Variants in HYCC2 observed in about 807,000 individuals in gnomAD.
The protein encoded by HYCC2 is hyccin 2.
At chr2:200,982,187 T>C in the HYCC2 span, among the ~76,000 whole-genome samples, 1 of 150,422 alleles carries the variant, frequency 6.6e-6, no homozygotes, top group African/African-American at 2.5e-5. Flanking sequence ...ATTTTTATAA[T>C]ACACTATCAT....
chr2:201,062,652 CAA>C, the HYCC2 span, among the ~76,000 whole-genome samples: 5 of 81,810 alleles, frequency 6.1e-5, no homozygotes, highest in East Asian at 3.5e-4. Flanking sequence ...CTCTGTCTCA[CAA>C]AAAAAAAAAA....
the HYCC2 span, among the ~76,000 whole-genome samples, chr2:201,025,882 G>A: frequency 1.5e-4 from 23 of 152,102 alleles, no homozygotes; most frequent in African/African-American, 3.6e-4. Flanking sequence ...AACACAGCAC[G>A]AGATTCCCAT....
chr2:201,039,811 A>C, the HYCC2 span, among the ~76,000 whole-genome samples: 1 of 152,194 alleles, frequency 6.6e-6, no homozygotes, highest in African/African-American at 2.4e-5. Flanking sequence ...GGTCGCTGAA[A>C]AGTTTCTTCA....
At chr2:200,981,793 A>G in the HYCC2 span, 1 of 1,614,136 alleles carries the variant, frequency 6.2e-7, no homozygotes, top group Non-Finnish European at 8.5e-7. The surrounding 1 kb of genome is among the most constrained non-coding windows in gnomAD (Gnocchi z 4.5). Context: ...CTGACTGCTG[A>G]GGGAAGCCCC....
the HYCC2 span, among the ~76,000 whole-genome samples, chr2:201,004,021 G>A: frequency 2.0e-5 from 3 of 151,764 alleles, no homozygotes; most frequent in Non-Finnish European, 2.9e-5. Flanking sequence ...ACCATGTTTT[G>A]GTCAGGCTGG....
At chr2:201,032,299 C>G in the HYCC2 span, among the ~76,000 whole-genome samples, 2 of 152,092 alleles carry the variant, frequency 1.3e-5, no homozygotes, top group Non-Finnish European at 2.9e-5. Flanking sequence ...TAATATATAA[C>G]AGTACAAGCT....
chr2:201,018,773 T>C, the HYCC2 span, among the ~76,000 whole-genome samples: 9 of 152,054 alleles, frequency 5.9e-5, no homozygotes, highest in Admixed American at 5.2e-4. Flanking sequence ...TGAGGCTGCA[T>C]TGAACCATGA....
At chr2:201,022,265 T>C in the HYCC2 span, among the ~76,000 whole-genome samples, 1 of 152,226 alleles carries the variant, frequency 6.6e-6, no homozygotes, top group African/African-American at 2.4e-5. Flanking sequence ...ACAGATTCAA[T>C]AACTGTACTT....
the HYCC2 span, among the ~76,000 whole-genome samples, chr2:201,040,841 C>G: frequency 1.3e-5 from 2 of 152,128 alleles, no homozygotes; most frequent in African/African-American, 4.8e-5. Flanking sequence ...ATATTTATGA[C>G]AGAATGACAG....
the HYCC2 span, among the ~76,000 whole-genome samples, chr2:201,032,286 C>A: frequency 2.0e-5 from 3 of 152,094 alleles, no homozygotes; most frequent in Non-Finnish European, 4.4e-5. Flanking sequence ...TTATAATATA[C>A]TTTAATATAT....
At chr2:201,040,683 C>G in the HYCC2 span, among the ~76,000 whole-genome samples, 2 of 152,122 alleles carry the variant, frequency 1.3e-5, no homozygotes, top group African/African-American at 4.8e-5. Context: ...TGGGGTTTCA[C>G]CATGTTGGCC....
At chr2:201,007,020 T>C in the HYCC2 span, among the ~76,000 whole-genome samples, 1 of 152,178 alleles carries the variant, frequency 6.6e-6, no homozygotes, top group Non-Finnish European at 1.5e-5. Flanking sequence ...AAAGGATGAA[T>C]TAGTTATTTC....
the HYCC2 span, among the ~76,000 whole-genome samples, chr2:200,984,568 T>TCC: frequency 1.2e-4 from 18 of 152,172 alleles, no homozygotes; most frequent in Non-Finnish European, 2.2e-4. Flanking sequence ...TTTTCATAGG[T>TCC]TTTAGTAATT....
At chr2:201,042,676 G>A in the HYCC2 span, among the ~76,000 whole-genome samples, 7 of 150,876 alleles carry the variant, frequency 4.6e-5, no homozygotes, top group East Asian at 2.0e-4. Context: ...GTCTCCGCCC[G>A]GCAGCCGCCC....
chr2:200,984,510 A>C, the HYCC2 span, among the ~76,000 whole-genome samples: 1 of 152,240 alleles, frequency 6.6e-6, no homozygotes, highest in Non-Finnish European at 1.5e-5. Context: ...ACTAGTCAAT[A>C]ATCTATGTTA....
At chr2:201,069,258 T>C in the HYCC2 span, among the ~76,000 whole-genome samples, 1 of 152,192 alleles carries the variant, frequency 6.6e-6, no homozygotes, top group Non-Finnish European at 1.5e-5. Context: ...AAACACACTT[T>C]CAAGGTCTAT....
chr2:201,034,330 T>C, the HYCC2 span, among the ~76,000 whole-genome samples: 9 of 152,374 alleles, frequency 5.9e-5, no homozygotes, highest in East Asian at 1.5e-3. Flanking sequence ...TTAGCTCTTC[T>C]TGTTGAATTG....
chr2:201,050,936 A>AAAAC, the HYCC2 span, among the ~76,000 whole-genome samples: 30 of 152,280 alleles, frequency 2.0e-4, no homozygotes, highest in South Asian at 4.1e-4. Flanking sequence ...ACTCCGTCTC[A>AAAAC]AAACAAACAA....
the HYCC2 span, among the ~76,000 whole-genome samples, chr2:201,043,069 T>C: frequency 6.6e-6 from 1 of 152,176 alleles, no homozygotes; most frequent in Non-Finnish European, 1.5e-5. Context: ...GGAGACTCCA[T>C]TTCGTTCTGT....
Sources: gnomAD v4.1 joint callset for allele counts (sites outside exome capture counted in the v4.1 genomes callset) on GRCh38, gnomAD v4.1.1 for gene constraint, Gnocchi (gnomAD v3.1) non-coding constraint, MANE v1.5 for transcripts, NCBI Gene and HGNC (gene_info 2026-07-23, HGNC 2026-07-21) for gene names.